Variants in SLC8A1 observed in about 807,000 individuals in gnomAD.
The protein encoded by SLC8A1 is sodium/calcium exchanger 1.
SLC8A1 carries 18 observed loss-of-function variants against 68.3 expected under a neutral mutation model. That is an observed-to-expected ratio of 0.26 (90% CI 0.18 to 0.39). SLC8A1 has a LOEUF of 0.39. Ranked by LOEUF, SLC8A1 falls within the 10% of genes least tolerant of loss-of-function variation. The probability of loss-of-function intolerance (pLI) is 1.00; values close to 1 mark genes in which losing one functional copy is unlikely to be tolerated. For synonymous variants in SLC8A1, 475 were observed against 415.5 expected, an observed-to-expected ratio of 1.14 and a Z score of -1.74; for missense variants, 985 against 1,156.7, an observed-to-expected ratio of 0.85 and a Z score of 2.15.
At chr2:40,106,031 T>A (rs2034176235) in exon 8 of SLC8A1, 1 of 152,236 alleles carries the variant, frequency 6.6e-6, no homozygotes, top group Non-Finnish European at 1.5e-5. Context: ...AATTAACACA[T>A]CTTCTGGATA....
At chr2:40,258,000 C>T (rs2064171600) in intron 2 of SLC8A1, among the ~76,000 whole-genome samples, 1 of 152,168 alleles carries the variant, frequency 6.6e-6, no homozygotes, top group Admixed American at 6.5e-5. Context: ...CTACAGTTCC[C>T]TTCAACAATA....
chr2:40,313,404 C>A (rs1028931198), intron 2 of SLC8A1, among the ~76,000 whole-genome samples: 1 of 151,942 alleles, frequency 6.6e-6, no homozygotes. Context: ...TATATGCTTT[C>A]TTTTCTGTTG....
chr2:40,463,314 A>G (rs35372921), intron 1 of SLC8A1, among the ~76,000 whole-genome samples: 35,587 of 152,014 alleles, frequency 0.23, 4,310 homozygotes, highest in East Asian at 0.35. Flanking sequence ...GTTCTAATGC[A>G]CGCAGCCAGT....
In SLC8A1 at chr2:40,429,079, G is replaced by T. The variant is rs146444558; in HGVS notation, c.1202C>A (p.Thr401Asn). ...GATCTTACTAACAGGGTCATTTTCA[G>T]TCACTTCAGTGTTGACCTCGTGCAT... Residue 401 changes from threonine (T) to asparagine (N), a missense_variant, in exon 2 of 8, where the codon ACT becomes AAT. Transcript: ENST00000406785. 59 of 1,612,184 alleles carry T rather than the reference G, an allele frequency of 3.7e-5. No individual in the cohort carries two copies. Among genetic ancestry groups the T allele is most frequent in the East Asian group, 4.5e-5 (2 of 44,820 alleles).
chr2:40,374,186 T>C (rs1333919784), intron 2 of SLC8A1, among the ~76,000 whole-genome samples: 1 of 152,068 alleles, frequency 6.6e-6, no homozygotes, highest in Non-Finnish European at 1.5e-5. Context: ...GAAGTCACTT[T>C]GTGCTCAGGT....
At chr2:40,148,437 T>C (rs777652341) in intron 6 of SLC8A1, among the ~76,000 whole-genome samples, 12 of 152,188 alleles carry the variant, frequency 7.9e-5, no homozygotes, top group Non-Finnish European at 1.2e-4. Context: ...TGGACTCTGT[T>C]CTGAACATAG....
exon 8 of SLC8A1, chr2:40,099,239 A>G (rs1201382724): frequency 6.6e-6 from 1 of 152,056 alleles, no homozygotes; most frequent in African/African-American, 2.4e-5. Context: ...CTTTTTCATT[A>G]TAATACATTG....
At chr2:40,307,144 T>TACACACACACACACAC (rs753955915) in intron 2 of SLC8A1, among the ~76,000 whole-genome samples, 14 of 101,204 alleles carry the variant, frequency 1.4e-4, no homozygotes, top group African/African-American at 5.2e-4. Flanking sequence ...GAAAATGTGA[T>TACACACACACACACAC]ATACACACAC....
chr2:40,104,963 G>T (rs2034106116), exon 8 of SLC8A1: 2 of 151,978 alleles, frequency 1.3e-5, no homozygotes, highest in African/African-American at 4.8e-5. Flanking sequence ...AAGCTGTTTG[G>T]TGAGTACAAT....
intron 2 of SLC8A1, among the ~76,000 whole-genome samples, chr2:40,322,829 C>CACAG (rs995551514): frequency 6.9e-5 from 10 of 144,972 alleles, no homozygotes; most frequent in African/African-American, 2.8e-4. Context: ...GTAACACACA[C>CACAG]ACACACACAC....
chr2:40,306,279 T>G (rs550379276), intron 2 of SLC8A1, among the ~76,000 whole-genome samples: 5 of 152,246 alleles, frequency 3.3e-5, no homozygotes, highest in African/African-American at 1.2e-4. Context: ...AGAAAAGAAA[T>G]AATGTCAGCA....
At chr2:40,166,369 T>C (rs1251159692) in intron 4 of SLC8A1, among the ~76,000 whole-genome samples, 2 of 152,200 alleles carry the variant, frequency 1.3e-5, no homozygotes, top group East Asian at 1.9e-4. Flanking sequence ...ATGTAGCATA[T>C]TGATTAATTC....
intron 1 of SLC8A1, among the ~76,000 whole-genome samples, chr2:40,442,030 A>G (rs979258514): frequency 8.1e-6 from 1 of 122,838 alleles, no homozygotes; most frequent in African/African-American, 3.1e-5. Context: ...TGCTATTGTG[A>G]ATAGTGCCGC....
At chr2:40,350,616 A>AAAAAAAC (rs1670775797) in intron 2 of SLC8A1, among the ~76,000 whole-genome samples, 1 of 127,056 alleles carries the variant, frequency 7.9e-6, no homozygotes, top group African/African-American at 3.1e-5. Flanking sequence ...AAAAAAAAAA[A>AAAAAAAC]AAAAGGCATT....
At chr2:40,266,323 G>C (rs549412501) in intron 2 of SLC8A1, among the ~76,000 whole-genome samples, 1 of 152,190 alleles carries the variant, frequency 6.6e-6, no homozygotes, top group South Asian at 2.1e-4. Context: ...TTCACCTAGG[G>C]TAAAGTTCAC....
intron 2 of SLC8A1, among the ~76,000 whole-genome samples, chr2:40,364,019 T>G (rs991467558): frequency 3.3e-5 from 5 of 152,094 alleles, no homozygotes; most frequent in Non-Finnish European, 5.9e-5. Context: ...CTGGATGTTT[T>G]TTCACCATGT....
chr2:40,151,429 G>A (rs1328837218), intron 6 of SLC8A1, among the ~76,000 whole-genome samples: 1 of 152,152 alleles, frequency 6.6e-6, no homozygotes, highest in Non-Finnish European at 1.5e-5. Context: ...GCCAAGCGCT[G>A]TCTTAGTGCC....
intron 1 of SLC8A1, among the ~76,000 whole-genome samples, chr2:40,483,248 T>A (rs1704754476): frequency 6.6e-6 from 1 of 150,618 alleles, no homozygotes; most frequent in Non-Finnish European, 1.5e-5. Context: ...AATTTAAAAT[T>A]CACAATCACT....
At chr2:40,184,393 T>C (rs967520208) in intron 2 of SLC8A1, among the ~76,000 whole-genome samples, 1 of 152,188 alleles carries the variant, frequency 6.6e-6, no homozygotes, top group Non-Finnish European at 1.5e-5. Context: ...TTTTGTCTTT[T>C]ACTCCTGCTC....
Sources: gnomAD v4.1 joint callset for allele counts (sites outside exome capture counted in the v4.1 genomes callset) on GRCh38, gnomAD v4.1.1 for gene constraint, MANE v1.5 for transcripts, NCBI Gene and HGNC (gene_info 2026-07-23, HGNC 2026-07-21) for gene names.